IMMP2L: variants seen among roughly 807,000 people sequenced by gnomAD.
The protein encoded by IMMP2L is inner mitochondrial membrane peptidase subunit 2.
IMMP2L carries 18 observed loss-of-function variants against 19.3 expected under a neutral mutation model. That is an observed-to-expected ratio of 0.93 (90% CI 0.64 to 1.38). The LOEUF (loss-of-function observed/expected upper bound fraction) is 1.38, where lower values mean the gene tolerates loss of function less well. Among genes scored for constraint, IMMP2L ranks in the 40% most tolerant of loss-of-function variants. IMMP2L has a pLI of 0.00. For missense variants in IMMP2L, 233 were observed against 218.2 expected (o/e 1.07, Z -0.43); for synonymous variants, 76 against 73.0 (o/e 1.04, Z -0.21).
intron 5 of IMMP2L, among the ~76,000 whole-genome samples, chr7:110,818,056 A>G (rs1174498262): frequency 1.3e-5 from 2 of 152,132 alleles, no homozygotes; most frequent in African/African-American, 4.8e-5. Context: ...GGCATGGGCA[A>G]GGACTTCATG....
intron 3 of IMMP2L, among the ~76,000 whole-genome samples, chr7:111,086,886 C>T (rs1250020728): frequency 6.6e-6 from 1 of 152,220 alleles, no homozygotes. Context: ...CTGTCTTGTG[C>T]ATAAAACTAA....
At chr7:111,013,465 G>T (rs939361870) in intron 3 of IMMP2L, among the ~76,000 whole-genome samples, 2 of 152,126 alleles carry the variant, frequency 1.3e-5, no homozygotes, top group African/African-American at 2.4e-5. Flanking sequence ...TTGGGTGACT[G>T]CCTGGATGGG....
chr7:110,676,200 C>T (rs1330698601), intron 5 of IMMP2L, among the ~76,000 whole-genome samples: 1 of 152,210 alleles, frequency 6.6e-6, no homozygotes, highest in Admixed American at 6.5e-5. Flanking sequence ...GTTTCCATCT[C>T]TATAGCAAGG....
intron 4 of IMMP2L, among the ~76,000 whole-genome samples, chr7:110,944,630 C>T (rs373716350): frequency 1.3e-5 from 2 of 151,914 alleles, no homozygotes; most frequent in African/African-American, 4.8e-5. Context: ...TCATTTACTA[C>T]TAACTACTAG....
chr7:111,120,528 G>C (rs1244505416), intron 3 of IMMP2L, among the ~76,000 whole-genome samples: 1 of 152,144 alleles, frequency 6.6e-6, no homozygotes, highest in Non-Finnish European at 1.5e-5. Flanking sequence ...TTCAAGATGA[G>C]ATTTGGGCGG....
At chr7:110,933,320 T>C (rs879943038) in intron 4 of IMMP2L, among the ~76,000 whole-genome samples, 1 of 152,160 alleles carries the variant, frequency 6.6e-6, no homozygotes. Flanking sequence ...GATCTAGAAC[T>C]ACCCCAGGCA....
At chr7:111,017,520 C>A (rs1825835336) in intron 3 of IMMP2L, among the ~76,000 whole-genome samples, 1 of 152,060 alleles carries the variant, frequency 6.6e-6, no homozygotes, top group East Asian at 1.9e-4. Flanking sequence ...GGATCAGTGA[C>A]TGAAAAACAG....
At chr7:111,528,175 A>T (rs1231097347) in intron 1 of IMMP2L, among the ~76,000 whole-genome samples, 2 of 152,170 alleles carry the variant, frequency 1.3e-5, no homozygotes, top group South Asian at 4.1e-4. Flanking sequence ...TTGTCTATGT[A>T]AATTGCCAAA....
At chr7:111,193,216 T>A (rs1465316699) in intron 3 of IMMP2L, among the ~76,000 whole-genome samples, 1 of 152,090 alleles carries the variant, frequency 6.6e-6, no homozygotes, top group Non-Finnish European at 1.5e-5. Flanking sequence ...GGGAAGAAAT[T>A]AAAATACAAA....
intron 5 of IMMP2L, among the ~76,000 whole-genome samples, chr7:110,884,628 A>G (rs574685011): frequency 9.2e-5 from 14 of 152,032 alleles, no homozygotes; most frequent in Non-Finnish European, 1.6e-4. Flanking sequence ...ATACCCAATC[A>G]TATCTGTGAT....
At chr7:111,151,012 A>C (rs1489286168) in intron 3 of IMMP2L, among the ~76,000 whole-genome samples, 1 of 152,198 alleles carries the variant, frequency 6.6e-6, no homozygotes, top group Non-Finnish European at 1.5e-5. Context: ...TGTTAGGGTC[A>C]GAATGTTCTA....
At chr7:111,030,884 GTATATA>G (rs57774530) in intron 3 of IMMP2L, among the ~76,000 whole-genome samples, 13,944 of 124,018 alleles carry the variant, frequency 0.11, 954 homozygotes, top group East Asian at 0.26. Context: ...GTGTGTGTGT[GTATATA>G]TATATATATA....
At chr7:111,492,587 A>C (rs10251897) in intron 2 of IMMP2L, among the ~76,000 whole-genome samples, 1 of 152,144 alleles carries the variant, frequency 6.6e-6, no homozygotes, top group Non-Finnish European at 1.5e-5. Context: ...TGTTCCAACA[A>C]TGGGGATAGA....
At chr7:111,326,323 C>T (rs1300082754) in intron 3 of IMMP2L, among the ~76,000 whole-genome samples, 1 of 151,630 alleles carries the variant, frequency 6.6e-6, no homozygotes, top group Non-Finnish European at 1.5e-5. Context: ...TTTCTCAAAA[C>T]TACAAAAAAG....
chr7:111,223,608 T>C (rs1414973478), intron 3 of IMMP2L, among the ~76,000 whole-genome samples: 3 of 152,132 alleles, frequency 2.0e-5, no homozygotes, highest in Non-Finnish European at 4.4e-5. Flanking sequence ...TCCTAGCATA[T>C]GATTATAGAT....
intron 3 of IMMP2L, among the ~76,000 whole-genome samples, chr7:111,079,904 T>C (rs1380810810): frequency 7.2e-5 from 11 of 152,152 alleles, no homozygotes; most frequent in Non-Finnish European, 1.2e-4. Context: ...AAGAGAGACC[T>C]GAGCAGGCAT....
chr7:110,943,203 T>A (rs2129553229), intron 4 of IMMP2L, among the ~76,000 whole-genome samples: 1 of 152,088 alleles, frequency 6.6e-6, no homozygotes, highest in African/African-American at 2.4e-5. Context: ...ATATCATAGG[T>A]ATTTTTAGGC....
chr7:111,446,125 G>A (rs917790135), intron 3 of IMMP2L, among the ~76,000 whole-genome samples: 1 of 152,150 alleles, frequency 6.6e-6, no homozygotes, highest in Non-Finnish European at 1.5e-5. Context: ...CAGCAAGGCT[G>A]GGGGAGGGGC....
chr7:111,414,035 T>C (rs1461568445), intron 3 of IMMP2L, among the ~76,000 whole-genome samples: 1 of 151,810 alleles, frequency 6.6e-6, no homozygotes, highest in East Asian at 1.9e-4. Flanking sequence ...TCGCAAGATG[T>C]TCCAACCAGC....
Sources: allele counts gnomAD v4.1 joint callset (sites outside exome capture counted in the v4.1 genomes callset), GRCh38; gene constraint gnomAD v4.1.1; transcripts MANE v1.5; gene names NCBI Gene and HGNC (gene_info 2026-07-23, HGNC 2026-07-21).